Variants in EXOC1 observed in about 807,000 individuals in gnomAD.
EXOC1 encodes exocyst complex component 1.
EXOC1 carries 67 observed loss-of-function variants against 107.7 expected under a neutral mutation model. The observed-to-expected ratio is 0.62, with a 90% CI of 0.51 to 0.76. EXOC1 has a LOEUF of 0.76. Ranked by LOEUF, EXOC1 falls within the 30% of genes least tolerant of loss-of-function variation. The pLI is 0.00. For synonymous variants in EXOC1, 348 were observed against 353.5 expected, an observed-to-expected ratio of 0.98 and a Z score of 0.17; for missense variants, 833 against 1,055.7, an observed-to-expected ratio of 0.79 and a Z score of 2.92.
chr4:55,868,616 T>G (rs1722161495), intron 5 of EXOC1, 93 bp downstream of exon 5: 1 of 1,065,402 alleles, frequency 9.4e-7, no homozygotes, highest in African/African-American at 1.6e-5. Flanking sequence ...ACTTAAGCCT[T>G]TATAGTGTGT....
At chr4:55,856,993 C>T (rs1003757134) in intron 1 of EXOC1, among the ~76,000 whole-genome samples, 5 of 151,890 alleles carry the variant, frequency 3.3e-5, no homozygotes, top group African/African-American at 9.7e-5. Context: ...CCTTCCCTTC[C>T]AGCTCCCGAA....
intron 1 of EXOC1, among the ~76,000 whole-genome samples, chr4:55,856,434 G>A (rs1451178663): frequency 1.3e-5 from 2 of 152,180 alleles, no homozygotes; most frequent in Non-Finnish European, 2.9e-5. Context: ...AAGTGGAAGT[G>A]GGAAGATGTG....
chr4:55,890,233 A>C lies in EXOC1; in HGVS notation c.1386A>C (p.Gly462=). The C allele has an allele frequency of 6.2e-7, 1 of 1,613,864 alleles. No individual in the cohort carries two copies. The highest frequency in any genetic ancestry group is 8.5e-7 in the Non-Finnish European group (1 of 1,179,864). ...AVKQETESLH[G]SSGKLTGSTS... ...TTTATTATTTCTTAGGTCTTCATGG[A>C]AGTTCGGGGAAATTAACTGGATCTA... The change falls in exon 12 of 19, where the codon GGA becomes GGC. Residue 462 remains glycine, a synonymous_variant. Transcript: ENST00000381295.
intron 9 of EXOC1, 192 bp from the exon 10 acceptor site, chr4:55,883,631 A>G (rs1249112506): frequency 2.4e-6 from 1 of 412,442 alleles, no homozygotes; most frequent in Non-Finnish European, 4.4e-6. Context: ...ATATTTTTGT[A>G]AATTGTTAAT....
chr4:55,868,585 T>A, intron 5 of EXOC1, 62 bp downstream of exon 5: 1 of 1,471,638 alleles, frequency 6.8e-7, no homozygotes. Flanking sequence ...GCTAATGATG[T>A]TCATATTATA....
chr4:55,877,584 G>A, intron 8 of EXOC1: 2 of 985,302 alleles, frequency 2.0e-6, no homozygotes, highest in Non-Finnish European at 1.2e-6. Context: ...AAGGTCATTT[G>A]CTTGGTAAAT....
chr4:55,860,309 G>A, intron 2 of EXOC1, 102 bp from the exon 3 acceptor site: 1 of 1,416,536 alleles, frequency 7.1e-7, no homozygotes, highest in Non-Finnish European at 9.6e-7. Context: ...ACCTCTTTTA[G>A]TATCAGCTAC....
chr4:55,878,812 A>G (rs1043961472), intron 9 of EXOC1, among the ~76,000 whole-genome samples: 9 of 152,178 alleles, frequency 5.9e-5, no homozygotes, highest in East Asian at 3.8e-4. Flanking sequence ...GAAATTTCCT[A>G]TTCTAGGGCA....
chr4:55,875,144 T>C (rs909556137), intron 8 of EXOC1, among the ~76,000 whole-genome samples: 1 of 152,164 alleles, frequency 6.6e-6, no homozygotes, highest in Admixed American at 6.6e-5. Context: ...TTTTACCATA[T>C]GCTTAAGTTT....
Position 55,902,398 on chromosome 4 carries a change from G to A in EXOC1, c.2392G>A (p.Val798Ile). The change falls in exon 18 of 19, where the codon GTA becomes ATA. Residue 798 changes from valine to isoleucine, a missense_variant. Physicochemically the swap from Val to Ile is conservative, Grantham distance 29. Coordinates refer to ENST00000381295, the MANE Select transcript of EXOC1 (RefSeq NM_001024924.2). ...RVAQGIREEE[V>I]SYQLAFNKQE... ...GGCACAGGGCATAAGGGAGGAGGAA[G>A]TAAGTTACCAACTTGCATTTAACAA... 1 of 1,579,908 alleles carries A rather than the reference G, an allele frequency of 6.3e-7. No homozygotes were observed. The highest frequency in any genetic ancestry group is 8.6e-7 in the Non-Finnish European group (1 of 1,166,114).
At chr4:55,895,615 A>G (rs1454178244) in intron 15 of EXOC1, among the ~76,000 whole-genome samples, 2 of 152,202 alleles carry the variant, frequency 1.3e-5, no homozygotes, top group African/African-American at 4.8e-5. Context: ...ACACAATGAA[A>G]TGTTAGGTAG....
In EXOC1 at chr4:55,891,400, A is replaced by G. The variant is rs141491553; in HGVS notation, c.1625A>G (p.His542Arg). 6.2e-7 allele frequency: 1 copy of G among 1,611,850 alleles called. No homozygotes were observed. Among genetic ancestry groups the G allele is most frequent in the African/African-American group, 1.3e-5 (1 of 75,018 alleles). ...AGTAAATTTTTCAAACTACAGCAAC[A>G]TCAAAGTATGCCTGGAACTATGGTA... Reference protein sequence around the residue: ...FISKFFKLQQHQSMPGTMAEA... With the variant: ...FISKFFKLQQRQSMPGTMAEA... Residue 542 changes from histidine to arginine, a missense_variant, in exon 13 of 19, where the codon CAT (histidine) becomes CGT (arginine). His to Arg is a conservative substitution (Grantham distance 29, BLOSUM62 0). Coordinates refer to ENST00000381295, the MANE Select transcript of EXOC1 (RefSeq NM_001024924.2).
rs541821170 is a variant in EXOC1 at position 55,875,671 on chromosome 4, G to A, written c.1075-2246G>A. 5 of 985,106 alleles carry A rather than the reference G, an allele frequency of 5.1e-6. No individual in the cohort carries two copies. In the South Asian group the frequency reaches 1.9e-4, roughly 37 times the overall value. 61.0% of individuals were successfully genotyped at this position (985,106 alleles called of 1,614,324 possible). A position where few individuals can be genotyped will look rare whatever the true frequency, so the allele number is the denominator to read the frequency against. ...AAAATTAATGAGGAAGATTGTTTTG[G>A]ATAACGATACATTGTTACTAATAAA... On this transcript the variant is annotated intron_variant, in intron 8 of 18. Transcript: ENST00000381295.
chr4:55,871,074 C>G, intron 6 of EXOC1, 27 bp from the exon 7 acceptor site: 1 of 1,607,160 alleles, frequency 6.2e-7, no homozygotes, highest in Non-Finnish European at 8.5e-7. Context: ...ATTACACATG[C>G]AAATGGTGTG....
rs576100301 is a variant in EXOC1 at position 55,893,863 on chromosome 4, C to A, written c.1953+83C>A. ...AAATGTATTTAAAATCGAGGGATTTCCAGCTTTCTGTTGGGGAATCTGTTG... is the reference window on the plus strand; with the variant it reads ...AAATGTATTTAAAATCGAGGGATTTACAGCTTTCTGTTGGGGAATCTGTTG... On this transcript the variant is annotated intron_variant, in intron 15 of 18. Transcript: ENST00000381295. The A allele has an allele frequency of 5.3e-6, 6 of 1,122,850 alleles. No homozygotes were observed. In the East Asian group the frequency reaches 1.5e-4, roughly 28 times the overall value. The allele number at this position is 1,122,850 out of a possible 1,614,324, so 69.6% of individuals were successfully genotyped here.
chr4:55,868,234 CTAAA>C, intron 4 of EXOC1, 98 bp from the exon 5 acceptor site: 3 of 860,526 alleles, frequency 3.5e-6, no homozygotes, highest in Non-Finnish European at 4.9e-6. Flanking sequence ...TTTTCAGCTG[CTAAA>C]TGTGACCTGT....
chr4:55,856,188 C>T (rs1720954280), intron 1 of EXOC1, among the ~76,000 whole-genome samples: 1 of 152,136 alleles, frequency 6.6e-6, no homozygotes, highest in African/African-American at 2.4e-5. Context: ...GGATATGTGG[C>T]TTTTGAAAGT....
At chr4:55,904,051 C>T (rs1235642299) in intron 18 of EXOC1, among the ~76,000 whole-genome samples, 1 of 151,680 alleles carries the variant, frequency 6.6e-6, no homozygotes, top group Non-Finnish European at 1.5e-5. Flanking sequence ...TTGTGTCAAA[C>T]GCAGTTTGAA....
intron 12 of EXOC1, 45 bp from the exon 13 acceptor site, chr4:55,891,270 T>C: frequency 8.5e-7 from 1 of 1,181,902 alleles, no homozygotes. Context: ...ATTTTAAGCA[T>C]TTGGTGCAGT....
Sources: allele counts gnomAD v4.1 joint callset (sites outside exome capture counted in the v4.1 genomes callset), GRCh38; gene constraint gnomAD v4.1.1; transcripts MANE v1.5; gene names NCBI Gene and HGNC (gene_info 2026-07-23, HGNC 2026-07-21).